KCNIP4: variants seen among roughly 807,000 people sequenced by gnomAD.
KCNIP4 encodes potassium voltage-gated channel interacting protein 4, also known as Kv channel-interacting protein 4.
In KCNIP4, 12 loss-of-function variants were observed where a neutral mutation model predicts 34.0. That is an observed-to-expected ratio of 0.35 (90% CI 0.23 to 0.57). KCNIP4 has a LOEUF of 0.57. KCNIP4 is among the 20% of genes least tolerant of loss of function. The probability of loss-of-function intolerance (pLI) is 0.83; values close to 1 mark genes in which losing one functional copy is unlikely to be tolerated. For synonymous variants in KCNIP4, 124 were observed against 102.2 expected (o/e 1.21, Z -1.29); for missense variants, 238 against 311.7 (o/e 0.76, Z 1.78).
At chr4:21,289,215 G>A (rs755385889) in intron 1 of KCNIP4, among the ~76,000 whole-genome samples, 1 of 152,116 alleles carries the variant, frequency 6.6e-6, no homozygotes, top group African/African-American at 2.4e-5. Flanking sequence ...TTTTGATACA[G>A]GCATATAATG....
In KCNIP4 at chr4:20,993,586, C is replaced by G. The variant is rs185329577; in HGVS notation, c.62-110877G>C. On this transcript the variant is annotated intron_variant, in intron 1 of 8. Transcript: ENST00000382152. ...TACCTCAGCTTCAAATACAGAGGCCCAGAGAACTGGAAACAAAATCATTCT... is the reference window on the plus strand; with the variant it reads ...TACCTCAGCTTCAAATACAGAGGCCGAGAGAACTGGAAACAAAATCATTCT... 4.9e-3 allele frequency among the ~76,000 whole-genome samples: 750 copies of G among 152,290 alleles called. 12 individuals carry two copies. Among genetic ancestry groups the G allele is most frequent in the Middle Eastern group, 6.8e-3 (2 of 294 alleles).
At chr4:20,994,529 A>C (rs191302183) in intron 1 of KCNIP4, among the ~76,000 whole-genome samples, 13 of 152,346 alleles carry the variant, frequency 8.5e-5, no homozygotes, top group African/African-American at 2.9e-4. Context: ...GGGAACACTA[A>C]ACAATTTAGA....
At chr4:21,856,215 C>A (rs1363051043) in intron 1 of KCNIP4, among the ~76,000 whole-genome samples, 1 of 152,136 alleles carries the variant, frequency 6.6e-6, no homozygotes, top group Admixed American at 6.5e-5. Context: ...TTCCTGGAGA[C>A]CGTGTGGACT....
chr4:21,483,129 T>C (rs1731586117), intron 1 of KCNIP4, among the ~76,000 whole-genome samples: 1 of 150,050 alleles, frequency 6.7e-6, no homozygotes, highest in Non-Finnish European at 1.5e-5. Flanking sequence ...CTAATGTAAA[T>C]GATGAGTTAA....
chr4:21,832,584 AT>A (rs5856672), intron 1 of KCNIP4, among the ~76,000 whole-genome samples: 1,740 of 150,540 alleles, frequency 0.012, 18 homozygotes, highest in Admixed American at 0.022. Context: ...TATTTTTTTT[AT>A]TTTTTTTTTT....
Position 21,659,148 on chromosome 4 carries a change from T to A in KCNIP4, c.61+289423A>T, listed in dbSNP as rs201665055. On this transcript the variant is annotated intron_variant, in intron 1 of 8. Coordinates refer to ENST00000382152, the MANE Select transcript of KCNIP4 (RefSeq NM_025221.6). ...AAAGTGTTACTCTGTGTACATTATG[T>A]CATTTTGGCATAAATATTTTGTTTA... 1.1e-4 allele frequency among the ~76,000 whole-genome samples: 17 copies of A among 152,306 alleles called. No individual in the cohort carries two copies. The East Asian group carries it at 3.3e-3, about 29-fold the overall frequency.
At position 21,489,321 on chromosome 4, in the gene KCNIP4, GAA is replaced by G. The variant is rs529825719; in HGVS notation, c.61+459248_61+459249del. ...ACACTCAGTTTATGAACATAGAGTT[GAA>G]AAAAAAAAAAAAAAACTCCTTCCAG... is the stretch of plus-strand genomic sequence containing the variant. On this transcript the variant is annotated intron_variant, in intron 1 of 8. Transcript: ENST00000382152. Among the ~76,000 whole-genome samples the G allele has an allele frequency of 5.4e-3, 673 of 125,500 alleles. 6 individuals are homozygous for G. Among genetic ancestry groups the G allele is most frequent in the African/African-American group, 0.018 (599 of 33,712 alleles). The allele number at this position is 125,500 out of a possible 152,430, so 82.3% of individuals were successfully genotyped here. A position where few individuals can be genotyped will look rare whatever the true frequency, so the allele number is the denominator to read the frequency against.
At position 21,300,775 on chromosome 4, in the gene KCNIP4, C is replaced by T. The variant is rs561602208; in HGVS notation, c.62-418066G>A. 3.3e-5 allele frequency among the ~76,000 whole-genome samples: 5 copies of T among 152,168 alleles called. No individual in the cohort carries two copies. In the South Asian group the frequency reaches 1.0e-3, roughly 32 times the overall value. On this transcript the variant is annotated intron_variant, in intron 1 of 8. Transcript: ENST00000382152. ...TAACCATTATACTGTATATCAATTC[C>T]AAAATAGGCCGCTGATATCTATTTT...
chr4:21,461,743 A>C (rs1729482929), intron 1 of KCNIP4, among the ~76,000 whole-genome samples: 2 of 151,750 alleles, frequency 1.3e-5, no homozygotes. Flanking sequence ...TTCCTGCCTC[A>C]CATGCCTGAT....
intron 1 of KCNIP4, among the ~76,000 whole-genome samples, chr4:21,690,571 T>C (rs929506303): frequency 1.1e-4 from 17 of 152,296 alleles, no homozygotes; most frequent in African/African-American, 3.8e-4. Flanking sequence ...TCCACCATGA[T>C]TGTAAGCTTC....
At chr4:21,571,186 G>C (rs893369112) in intron 1 of KCNIP4, among the ~76,000 whole-genome samples, 1 of 152,082 alleles carries the variant, frequency 6.6e-6, no homozygotes, top group Non-Finnish European at 1.5e-5. Flanking sequence ...CACTTCTTTA[G>C]GTTTGTCACA....
At chr4:21,238,294 G>C (rs1419555884) in intron 1 of KCNIP4, among the ~76,000 whole-genome samples, 1 of 152,094 alleles carries the variant, frequency 6.6e-6, no homozygotes, top group Non-Finnish European at 1.5e-5. Flanking sequence ...GCAAAAACTG[G>C]AAGCATTCCC....
At chr4:21,046,745 C>G (rs1231634178) in intron 1 of KCNIP4, among the ~76,000 whole-genome samples, 1 of 152,094 alleles carries the variant, frequency 6.6e-6, no homozygotes, top group Non-Finnish European at 1.5e-5. Flanking sequence ...GCACGCGCAA[C>G]CACGCCAGGC....
At chr4:21,944,419 G>T (rs1730379573) in intron 1 of KCNIP4, among the ~76,000 whole-genome samples, 1 of 151,698 alleles carries the variant, frequency 6.6e-6, no homozygotes, top group Admixed American at 6.6e-5. Context: ...GTCGGGCATG[G>T]TGGCGGGTGC....
chr4:21,262,300 CCCTCTTATCTT>C (rs951245913), intron 1 of KCNIP4, among the ~76,000 whole-genome samples: 18 of 152,282 alleles, frequency 1.2e-4, no homozygotes, highest in African/African-American at 4.1e-4. Context: ...CCTTGGGTTG[CCCTCTTATCTT>C]CCTGAACATG....
intron 3 of KCNIP4, among the ~76,000 whole-genome samples, chr4:20,847,082 C>A (rs1010795956): frequency 6.6e-6 from 1 of 152,160 alleles, no homozygotes; most frequent in Admixed American, 6.5e-5. Context: ...TGTAGGCCAA[C>A]CACGACTGTC....
chr4:21,893,852 A>G (rs1236393099), intron 1 of KCNIP4, among the ~76,000 whole-genome samples: 1 of 152,166 alleles, frequency 6.6e-6, no homozygotes, highest in Non-Finnish European at 1.5e-5. Flanking sequence ...AGTGGATTAC[A>G]TCTGAACTGA....
intron 1 of KCNIP4, among the ~76,000 whole-genome samples, chr4:21,833,535 G>A (rs1022470528): frequency 6.6e-6 from 1 of 152,088 alleles, no homozygotes; most frequent in Non-Finnish European, 1.5e-5. Context: ...CTCCCATTTT[G>A]TAGGTTGCCT....
intron 1 of KCNIP4, among the ~76,000 whole-genome samples, chr4:21,810,508 G>A (rs913263325): frequency 1.3e-5 from 2 of 151,956 alleles, no homozygotes; most frequent in Admixed American, 1.3e-4. Context: ...GGCTAGCATG[G>A]TGAAACCCCA....
Sources: gnomAD v4.1 joint callset for allele counts (sites outside exome capture counted in the v4.1 genomes callset) on GRCh38, gnomAD v4.1.1 for gene constraint, MANE v1.5 for transcripts, NCBI Gene and HGNC (gene_info 2026-07-23, HGNC 2026-07-21) for gene names.